Variants in SKAP1 observed in about 807,000 individuals in gnomAD.
SKAP1 encodes src kinase-associated phosphoprotein 1.
A neutral mutation model predicts 58.5 loss-of-function variants in SKAP1; 44 were observed. The ratio of observed to expected loss-of-function variants is 0.75; its 90% CI spans 0.59 to 0.97. The LOEUF (loss-of-function observed/expected upper bound fraction) is 0.97. SKAP1 is among the 50% of genes least tolerant of loss of function. The pLI, the probability that SKAP1 is intolerant of heterozygous loss-of-function variation, is 0.00. For synonymous variants in SKAP1, 127 were observed against 149.7 expected (o/e 0.85, Z 1.11); for missense variants, 390 against 435.2 (o/e 0.90, Z 0.92).
chr17:48,149,544 A>G (rs1051973239), intron 11 of SKAP1, among the ~76,000 whole-genome samples: 1 of 152,218 alleles, frequency 6.6e-6, no homozygotes, highest in Non-Finnish European at 1.5e-5. Flanking sequence ...CATCATCTGC[A>G]CACATAGGCG....
At chr17:48,393,894 C>A in intron 2 of SKAP1, among the ~76,000 whole-genome samples, 1 of 276 alleles carries the variant, frequency 3.6e-3, no homozygotes, top group African/African-American at 0.013. Flanking sequence ...AGATAGGTTA[C>A]CACCCCCCCC....
At chr17:48,232,667 G>A (rs1274999447) in intron 4 of SKAP1, among the ~76,000 whole-genome samples, 1 of 152,144 alleles carries the variant, frequency 6.6e-6, no homozygotes, top group Non-Finnish European at 1.5e-5. Context: ...ATTAACCAGA[G>A]TCCACTTGAT....
At chr17:48,363,262 T>C (rs949663363) in intron 3 of SKAP1, among the ~76,000 whole-genome samples, 7 of 152,164 alleles carry the variant, frequency 4.6e-5, no homozygotes, top group African/African-American at 9.7e-5. Context: ...TTAGAAGCAC[T>C]GAGGCTGCAG....
chr17:48,419,531 C>T (rs1164267117), intron 1 of SKAP1, among the ~76,000 whole-genome samples: 1 of 152,162 alleles, frequency 6.6e-6, no homozygotes, highest in African/African-American at 2.4e-5. Flanking sequence ...GATCCACCCG[C>T]CTCAGCCTCC....
At chr17:48,429,955 C>G (rs917871455) in intron 1 of SKAP1, 120 bp downstream of exon 1, 4 of 843,488 alleles carry the variant, frequency 4.7e-6, no homozygotes, top group Non-Finnish European at 6.5e-6. Context: ...GCTCTAGAAG[C>G]CTTAAGGTTC....
intron 4 of SKAP1, among the ~76,000 whole-genome samples, chr17:48,221,562 G>A (rs1402222154): frequency 2.6e-5 from 4 of 152,166 alleles, no homozygotes; most frequent in African/African-American, 7.2e-5. Flanking sequence ...GCTAAATGGT[G>A]TTTTGGTTTA....
chr17:48,403,378 T>C (rs898457854), intron 1 of SKAP1, among the ~76,000 whole-genome samples: 5 of 151,800 alleles, frequency 3.3e-5, no homozygotes, highest in Non-Finnish European at 7.4e-5. Context: ...AAATACTATA[T>C]TGAATATTTT....
chr17:48,352,674 A>T (rs1022613587), intron 3 of SKAP1, among the ~76,000 whole-genome samples: 2 of 152,188 alleles, frequency 1.3e-5, no homozygotes, highest in African/African-American at 4.8e-5. Flanking sequence ...CTCTGGGTCA[A>T]GACTTTTTGT....
chr17:48,333,758 T>C (rs1385649596), intron 4 of SKAP1, among the ~76,000 whole-genome samples: 1 of 152,072 alleles, frequency 6.6e-6, no homozygotes, highest in Non-Finnish European at 1.5e-5. Context: ...CTCCTTCTAA[T>C]GTATCTCATC....
intron 4 of SKAP1, among the ~76,000 whole-genome samples, chr17:48,228,269 T>C (rs1186163626): frequency 1.3e-5 from 2 of 152,168 alleles, no homozygotes. Flanking sequence ...AGTCTGTCTC[T>C]AAAATACTTA....
chr17:48,203,146 AT>A (rs879601374), intron 4 of SKAP1, among the ~76,000 whole-genome samples: 22 of 152,372 alleles, frequency 1.4e-4, no homozygotes, highest in Admixed American at 1.4e-3. Flanking sequence ...CAAGTGAGGA[AT>A]TTATTACCAT....
At chr17:48,201,013 G>A (rs1331188978) in intron 4 of SKAP1, among the ~76,000 whole-genome samples, 1 of 152,046 alleles carries the variant, frequency 6.6e-6, no homozygotes, top group East Asian at 1.9e-4. Flanking sequence ...AACCATTTTC[G>A]CTTAAGTCAC....
At chr17:48,413,527 T>A (rs192894638) in intron 1 of SKAP1, among the ~76,000 whole-genome samples, 30,568 of 94,982 alleles carry the variant, frequency 0.32, 6,765 homozygotes, top group Middle Eastern at 0.39. Flanking sequence ...AAAAAAAATA[T>A]ATATATATAT....
At chr17:48,289,904 C>CTT (rs2065879116) in intron 4 of SKAP1, among the ~76,000 whole-genome samples, 2 of 151,908 alleles carry the variant, frequency 1.3e-5, no homozygotes, top group South Asian at 4.2e-4. Flanking sequence ...CCATGTTTCA[C>CTT]CTAAAGAGTG....
At chr17:48,254,537 A>G (rs983410898) in intron 4 of SKAP1, among the ~76,000 whole-genome samples, 3 of 151,960 alleles carry the variant, frequency 2.0e-5, no homozygotes, top group Non-Finnish European at 4.4e-5. Context: ...AAGAGAAACA[A>G]AAGAATTACT....
chr17:48,275,748 T>C (rs1422599057), intron 4 of SKAP1, among the ~76,000 whole-genome samples: 1 of 152,130 alleles, frequency 6.6e-6, no homozygotes, highest in African/African-American at 2.4e-5. Flanking sequence ...ATTGTTGTTG[T>C]TGCTGCTGCT....
chr17:48,142,043 C>T (rs532562452), intron 11 of SKAP1, among the ~76,000 whole-genome samples: 2 of 152,326 alleles, frequency 1.3e-5, no homozygotes, highest in South Asian at 2.1e-4. Context: ...CTTCTATCTG[C>T]CTGTCTTTGT....
intron 4 of SKAP1, among the ~76,000 whole-genome samples, chr17:48,294,048 T>C (rs1185572059): frequency 1.3e-5 from 2 of 152,160 alleles, no homozygotes; most frequent in African/African-American, 4.8e-5. Context: ...GCTGCCTGGA[T>C]TGTGGGGATG....
At chr17:48,193,757 T>C (rs2087843105) in intron 4 of SKAP1, 2 of 984,422 alleles carry the variant, frequency 2.0e-6, no homozygotes, top group South Asian at 4.7e-5. Flanking sequence ...GAATCTTGTA[T>C]GCCTGGATCC....
Sources: allele counts gnomAD v4.1 joint callset (sites outside exome capture counted in the v4.1 genomes callset), GRCh38; gene constraint gnomAD v4.1.1; transcripts MANE v1.5; gene names NCBI Gene and HGNC (gene_info 2026-07-23, HGNC 2026-07-21).